RIMS2: variants seen among roughly 807,000 people sequenced by gnomAD.
RIMS2 encodes the protein regulating synaptic membrane exocytosis 2.
In RIMS2, 59 loss-of-function variants were observed where a neutral mutation model predicts 174.4. The ratio of observed to expected loss-of-function variants is 0.34; its 90% CI spans 0.27 to 0.42. The LOEUF (loss-of-function observed/expected upper bound fraction) is 0.42, where lower values mean the gene tolerates loss of function less well. Ranked by LOEUF, RIMS2 falls within the 10% of genes least tolerant of loss-of-function variation. RIMS2 has a pLI of 1.00. For missense variants in RIMS2, 1,620 were observed against 1,666.3 expected (o/e 0.97, Z 0.48); for synonymous variants, 606 against 572.5 (o/e 1.06, Z -0.84).
intron 4 of RIMS2, among the ~76,000 whole-genome samples, chr8:103,904,485 A>C (rs899588621): frequency 1.3e-5 from 2 of 151,866 alleles, no homozygotes; most frequent in African/African-American, 4.8e-5. Context: ...AGTTCCCCTC[A>C]ATTTTTTTTT....
At chr8:103,819,693 G>A (rs1383481468) in intron 3 of RIMS2, 10 of 1,334,342 alleles carry the variant, frequency 7.5e-6, no homozygotes, top group Non-Finnish European at 1.0e-5. Flanking sequence ...TTATATGCCA[G>A]TAAAAATTGT....
chr8:103,586,816 T>C (rs1461368504), intron 1 of RIMS2, among the ~76,000 whole-genome samples: 1 of 151,818 alleles, frequency 6.6e-6, no homozygotes, highest in African/African-American at 2.4e-5. Flanking sequence ...TTTTGAATTG[T>C]TAAAAAAATC....
intron 3 of RIMS2, among the ~76,000 whole-genome samples, chr8:103,876,828 A>G (rs1225730430): frequency 8.4e-5 from 9 of 107,720 alleles, no homozygotes; most frequent in African/African-American, 2.5e-4. Flanking sequence ...GTATATATGT[A>G]TATATATATG....
intron 2 of RIMS2, among the ~76,000 whole-genome samples, chr8:103,724,082 C>G: frequency 7.3e-6 from 1 of 136,490 alleles, no homozygotes; most frequent in South Asian, 2.7e-4. Flanking sequence ...AATGATCTCT[C>G]TTGGCACTGT....
At chr8:103,633,693 C>A (rs1374078765) in intron 1 of RIMS2, among the ~76,000 whole-genome samples, 2 of 152,096 alleles carry the variant, frequency 1.3e-5, no homozygotes, top group Non-Finnish European at 2.9e-5. Flanking sequence ...CTATTTATTA[C>A]TGACTCAATT....
At chr8:103,944,856 A>G (rs1305765433) in intron 14 of RIMS2, among the ~76,000 whole-genome samples, 3 of 152,096 alleles carry the variant, frequency 2.0e-5, no homozygotes, top group Non-Finnish European at 1.5e-5. Context: ...GTGCATACAC[A>G]TAAAAGAAAG....
At position 104,008,424 on chromosome 8, in the gene RIMS2, A is replaced by G. The variant is rs528188173; in HGVS notation, c.3045-5018A>G. 4.0e-4 allele frequency among the ~76,000 whole-genome samples: 60 copies of G among 151,554 alleles called. No individual in the cohort carries two copies. In the South Asian group the frequency reaches 0.011, roughly 27 times the overall value. Reference sequence around the variant, plus strand: ...GTTATTTTTTAAATAAAAATTAACAATGAAAATTATAAATATTTAATATAC... The same window carrying G: ...GTTATTTTTTAAATAAAAATTAACAGTGAAAATTATAAATATTTAATATAC... On this transcript the variant is annotated intron_variant, in intron 17 of 23. Coordinates refer to ENST00000504942, the Ensembl canonical transcript of RIMS2.
chr8:103,776,438 G>A (rs1449910938), intron 3 of RIMS2, among the ~76,000 whole-genome samples: 2 of 152,056 alleles, frequency 1.3e-5, no homozygotes, highest in African/African-American at 4.8e-5. Flanking sequence ...ATAAATTAGG[G>A]TAGGAAATAG....
At chr8:103,570,234 AC>A (rs2092708354) in intron 1 of RIMS2, among the ~76,000 whole-genome samples, 1 of 152,016 alleles carries the variant, frequency 6.6e-6, no homozygotes, top group African/African-American at 2.4e-5. Context: ...TCTCATCTAA[AC>A]TCTTAGATTG....
intron 12 of RIMS2, among the ~76,000 whole-genome samples, chr8:103,931,844 A>T (rs747444488): frequency 5.9e-5 from 9 of 152,108 alleles, no homozygotes; most frequent in Non-Finnish European, 1.0e-4. Flanking sequence ...TATTCTATAA[A>T]TTTAACAAGT....
intron 19 of RIMS2, among the ~76,000 whole-genome samples, chr8:104,161,393 A>G (rs1481630546): frequency 1.3e-5 from 2 of 152,190 alleles, no homozygotes; most frequent in East Asian, 3.9e-4. Context: ...TATTTGACAC[A>G]TAGTGATAAA....
At chr8:104,131,116 G>A (rs150471312) in intron 19 of RIMS2, among the ~76,000 whole-genome samples, 2 of 152,040 alleles carry the variant, frequency 1.3e-5, no homozygotes, top group Non-Finnish European at 2.9e-5. Flanking sequence ...TTTCTCATCC[G>A]TAAAATAGAC....
chr8:103,575,677 C>T (rs1469579190), intron 1 of RIMS2, among the ~76,000 whole-genome samples: 1 of 85,920 alleles, frequency 1.2e-5, no homozygotes, highest in Non-Finnish European at 2.4e-5. Context: ...CACATACACA[C>T]ACACACACAT....
intron 1 of RIMS2, among the ~76,000 whole-genome samples, chr8:103,654,244 A>G (rs1156857498): frequency 1.3e-5 from 2 of 152,016 alleles, no homozygotes; most frequent in Non-Finnish European, 1.5e-5. Context: ...TGGCCATTAA[A>G]TAAAATGACA....
At chr8:103,923,281 GTGTC>G (rs1348850335) in intron 10 of RIMS2, among the ~76,000 whole-genome samples, 1 of 151,722 alleles carries the variant, frequency 6.6e-6, no homozygotes, top group Non-Finnish European at 1.5e-5. Flanking sequence ...GTGTGCGTGC[GTGTC>G]TGTCTGTCTG....
chr8:103,599,558 C>A (rs1192039134), intron 1 of RIMS2, among the ~76,000 whole-genome samples: 1 of 151,608 alleles, frequency 6.6e-6, no homozygotes, highest in Non-Finnish European at 1.5e-5. Context: ...CCCACCTCAG[C>A]CTCCAGAGTA....
chr8:103,759,858 G>A (rs544842043), intron 2 of RIMS2, among the ~76,000 whole-genome samples: 1 of 152,262 alleles, frequency 6.6e-6, no homozygotes, highest in East Asian at 1.9e-4. Context: ...AAGTTGAGAA[G>A]AATCAGACTA....
chr8:103,681,225 G>T lies in RIMS2; in HGVS notation c.177-15861G>T, dbSNP rs565230998. ...TGTTTGACTATGAGCCACATAACTT[G>T]TCTGTAGAATAGGGACAATAATATG... On this transcript the variant is annotated intron_variant, in intron 1 of 23. Transcript: ENST00000504942. Among the ~76,000 whole-genome samples the T allele has an allele frequency of 2.6e-5, 4 of 152,120 alleles. No individual in the cohort carries two copies. The East Asian group carries it at 5.8e-4, about 22-fold the overall frequency.
intron 3 of RIMS2, among the ~76,000 whole-genome samples, chr8:103,812,933 A>G (rs1489857366): frequency 6.6e-6 from 1 of 152,188 alleles, no homozygotes; most frequent in Non-Finnish European, 1.5e-5. Flanking sequence ...TGCTTCAAGT[A>G]GTCAGTAGAA....
Sources: gnomAD v4.1 joint callset for allele counts (sites outside exome capture counted in the v4.1 genomes callset) on GRCh38, gnomAD v4.1.1 for gene constraint, MANE v1.5 for transcripts, NCBI Gene and HGNC (gene_info 2026-07-23, HGNC 2026-07-21) for gene names.